Variants in ROBO2 observed in about 807,000 individuals in gnomAD.
ROBO2 encodes roundabout homolog 2.
Under a neutral mutation model 160.8 loss-of-function variants are expected in ROBO2, and 53 were observed. The ratio of observed to expected loss-of-function variants is 0.33; its 90% CI spans 0.26 to 0.41. The LOEUF is 0.41. Ranked by LOEUF, ROBO2 falls within the 10% of genes least tolerant of loss-of-function variation. The pLI, the probability that ROBO2 is intolerant of heterozygous loss-of-function variation, is 1.00. For missense variants in ROBO2, 1,577 were observed against 1,722.4 expected (o/e 0.92, Z 1.49); for synonymous variants, 664 against 611.7 (o/e 1.09, Z -1.26).
At chr3:76,176,710 A>T (rs77933719) in intron 2 of ROBO2, among the ~76,000 whole-genome samples, 1 of 151,974 alleles carries the variant, frequency 6.6e-6, no homozygotes, top group Admixed American at 6.6e-5. Context: ...TTTTTTCCTC[A>T]TTTTCTTACT....
rs531090445 is a variant in ROBO2 at position 76,604,227 on chromosome 3, G to T, written c.110-493787G>T. On this transcript the variant is annotated intron_variant, in intron 2 of 26. Coordinates refer to the ROBO2 transcript ENST00000487694. Reference sequence around the variant, plus strand: ...GCTGTGTGTCTATAGCACAAATAAAGAACATTTTAAATAATCCCAGAGATA... The same window carrying T: ...GCTGTGTGTCTATAGCACAAATAAATAACATTTTAAATAATCCCAGAGATA... 2.6e-5 allele frequency among the ~76,000 whole-genome samples: 4 copies of T among 152,114 alleles called. No homozygotes were observed. The East Asian group carries it at 7.7e-4, about 29-fold the overall frequency.
intron 2 of ROBO2, among the ~76,000 whole-genome samples, chr3:76,169,037 C>T (rs1516478): frequency 0.033 from 5,062 of 152,040 alleles, 93 homozygotes; most frequent in Middle Eastern, 0.065. Flanking sequence ...AATCCATTCT[C>T]TTTAAAACTT....
At chr3:76,207,860 A>C (rs906323331) in intron 2 of ROBO2, among the ~76,000 whole-genome samples, 4 of 152,308 alleles carry the variant, frequency 2.6e-5, no homozygotes, top group Non-Finnish European at 5.9e-5. Flanking sequence ...CTGTGTCCCC[A>C]CCCAAATCTC....
chr3:76,466,270 A>T (rs1489345040), intron 2 of ROBO2, among the ~76,000 whole-genome samples: 1 of 151,860 alleles, frequency 6.6e-6, no homozygotes, highest in African/African-American at 2.4e-5. Context: ...GTTGTCAGGA[A>T]GAATTATTAA....
intron 2 of ROBO2, among the ~76,000 whole-genome samples, chr3:77,215,877 G>T (rs927220172): frequency 2.0e-5 from 3 of 152,154 alleles, no homozygotes; most frequent in African/African-American, 7.2e-5. Flanking sequence ...TATCAGCAGC[G>T]GAGGCTGCAG....
intron 2 of ROBO2, among the ~76,000 whole-genome samples, chr3:77,138,620 A>G (rs546390413): frequency 6.6e-6 from 1 of 152,352 alleles, no homozygotes; most frequent in South Asian, 2.1e-4. Flanking sequence ...AAAACTTTCA[A>G]ATAAAATATG....
At position 76,564,187 on chromosome 3, in the gene ROBO2, C is replaced by T. The variant is rs527702860; in HGVS notation, c.110-533827C>T. 2.0e-5 allele frequency among the ~76,000 whole-genome samples: 3 copies of T among 152,322 alleles called. No homozygotes were observed. In the East Asian group the frequency reaches 5.8e-4, roughly 29 times the overall value. On this transcript the variant is annotated intron_variant, in intron 2 of 26. Transcript: ENST00000487694. ...TGCCTATGCACTCCAGTCGGGGCGA[C>T]ACAGCAAGACTCCGTCTCAAAAAAT...
intron 2 of ROBO2, among the ~76,000 whole-genome samples, chr3:76,560,095 T>C (rs541097153): frequency 6.6e-6 from 1 of 152,242 alleles, no homozygotes; most frequent in South Asian, 2.1e-4. Flanking sequence ...CTTTTATTTT[T>C]CTCCCAGTTA....
At chr3:77,320,523 A>G (rs959509323) in intron 2 of ROBO2, among the ~76,000 whole-genome samples, 1 of 151,926 alleles carries the variant, frequency 6.6e-6, no homozygotes, top group Non-Finnish European at 1.5e-5. Context: ...TGCAGTTGCC[A>G]GTTATATGGT....
rs114155210 is a variant in ROBO2 at position 76,105,665 on chromosome 3, C to A, written c.109+168063C>A. 5.4e-3 allele frequency among the ~76,000 whole-genome samples: 814 copies of A among 152,134 alleles called. 11 individuals carry two copies. The highest frequency in any genetic ancestry group is 0.019 in the African/African-American group (788 of 41,516). ...TGCAGCAACAATATACTTATGAGTT[C>A]TGAACTGTAGAAATAGAGTAACCTA... On this transcript the variant is annotated intron_variant, in intron 2 of 26. Coordinates refer to the ROBO2 transcript ENST00000487694.
At chr3:76,367,414 G>A (rs144346745) in intron 2 of ROBO2, among the ~76,000 whole-genome samples, 1 of 151,692 alleles carries the variant, frequency 6.6e-6, no homozygotes, top group African/African-American at 2.4e-5. Flanking sequence ...TTCCCTAAAA[G>A]AATTCATGTC....
At chr3:77,484,563 C>T (rs947139332) in intron 4 of ROBO2, among the ~76,000 whole-genome samples, 11 of 150,560 alleles carry the variant, frequency 7.3e-5, no homozygotes, top group African/African-American at 9.8e-5. Flanking sequence ...CATCATTTTA[C>T]GTTCTGTTTT....
chr3:77,247,365 G>T (rs531904186), intron 2 of ROBO2, among the ~76,000 whole-genome samples: 159 of 152,196 alleles, frequency 1.0e-3, no homozygotes, highest in South Asian at 8.9e-3. Flanking sequence ...CGAGGGAGAG[G>T]ATACAGTCTT....
Position 77,640,390 on chromosome 3 carries a change from A to C in ROBO2, c.3935-4314A>C, listed in dbSNP as rs188339120. ...GGCCTCCCAAAGTGCTGCGATTTACAGGCGTGAGCCACTGCGCCCGGCCGC... is the reference window on the plus strand; with the variant it reads ...GGCCTCCCAAAGTGCTGCGATTTACCGGCGTGAGCCACTGCGCCCGGCCGC... On this transcript the variant is annotated intron_variant, in intron 24 of 25. Coordinates refer to ENST00000461745, the Ensembl canonical transcript of ROBO2. Among the ~76,000 whole-genome samples the C allele has an allele frequency of 6.6e-3, 1,007 of 152,312 alleles. 15 individuals are homozygous for C. Among genetic ancestry groups the C allele is most frequent in the African/African-American group, 0.023 (971 of 41,580 alleles).
In ROBO2 at chr3:75,996,857, C is replaced by T. The variant is rs986345613; in HGVS notation, c.109+59255C>T. Among the ~76,000 whole-genome samples, 6 of 151,968 alleles carry T rather than the reference C, an allele frequency of 3.9e-5. No homozygotes were observed. In the Middle Eastern group the frequency reaches 0.014, roughly 345 times the overall value. On this transcript the variant is annotated intron_variant, in intron 2 of 26. Transcript: ENST00000487694. Reference sequence around the variant, plus strand: ...ATCTATTCTGATATATGTAAATCATCTATTCTGATATATGTAAATCTTCAC... The same window carrying T: ...ATCTATTCTGATATATGTAAATCATTTATTCTGATATATGTAAATCTTCAC...
At chr3:77,549,048 T>G (rs1471077815) in intron 7 of ROBO2, among the ~76,000 whole-genome samples, 3 of 151,940 alleles carry the variant, frequency 2.0e-5, no homozygotes, top group Non-Finnish European at 4.4e-5. Flanking sequence ...GCCAATTAGC[T>G]CTAATAGGAT....
Position 75,958,169 on chromosome 3 carries a change from A to G in ROBO2, c.109+20567A>G, listed in dbSNP as rs144791872. On this transcript the variant is annotated intron_variant, in intron 2 of 26. Coordinates refer to the ROBO2 transcript ENST00000487694. ...GAATTTGGTGCTGAACCAATTTTGT[A>G]CCTCATTGCTATAAACCTAATGAGT... Among the ~76,000 whole-genome samples the G allele has an allele frequency of 2.2e-4, 34 of 151,900 alleles. No individual in the cohort carries two copies. In the East Asian group the frequency reaches 6.0e-3, roughly 27 times the overall value.
chr3:76,837,532 C>A (rs1367875151), intron 2 of ROBO2, among the ~76,000 whole-genome samples: 2 of 150,554 alleles, frequency 1.3e-5, no homozygotes, highest in Admixed American at 6.6e-5. Context: ...AAAAAAAAAA[C>A]CCAAACATAT....
chr3:76,116,833 A>C (rs2070490656), intron 2 of ROBO2, among the ~76,000 whole-genome samples: 1 of 152,142 alleles, frequency 6.6e-6, no homozygotes, highest in Non-Finnish European at 1.5e-5. Flanking sequence ...CCCTTAATTT[A>C]GCTGCATATT....
Sources: gnomAD v4.1 joint callset for allele counts (sites outside exome capture counted in the v4.1 genomes callset) on GRCh38, gnomAD v4.1.1 for gene constraint, MANE v1.5 for transcripts, NCBI Gene and HGNC (gene_info 2026-07-23, HGNC 2026-07-21) for gene names.